VEPH1: variants seen among roughly 807,000 people sequenced by gnomAD.
VEPH1 encodes the protein ventricular zone expressed PH domain containing 1.
VEPH1 carries 80 observed loss-of-function variants against 85.2 expected under a neutral mutation model. The ratio of observed to expected loss-of-function variants is 0.94; its 90% confidence interval spans 0.78 to 1.13. The LOEUF is 1.13. VEPH1 is among the 50% of genes most tolerant of loss of function. The pLI, the probability that VEPH1 is intolerant of heterozygous loss-of-function variation, is 0.00. For synonymous variants in VEPH1, 297 were observed against 348.0 expected, an observed-to-expected ratio of 0.85 and a Z score of 1.63; for missense variants, 955 against 980.5, an observed-to-expected ratio of 0.97 and a Z score of 0.35.
rs574427633 is a variant in VEPH1 at position 157,476,606 on chromosome 3, A to C, written c.139-6077T>G. On this transcript the variant is annotated intron_variant, in intron 2 of 13. Coordinates refer to ENST00000362010, the MANE Select transcript of VEPH1 (RefSeq NM_001167912.2). ...AGCCACTCAACCTTATATCCTGTTA[A>C]GATGAAACACCATTCTCCAAGGGGC... Among the ~76,000 whole-genome samples the C allele has an allele frequency of 1.1e-4, 16 of 152,324 alleles. No individual in the cohort carries two copies. The South Asian group carries it at 2.9e-3, about 28-fold the overall frequency.
intron 9 of VEPH1, among the ~76,000 whole-genome samples, chr3:157,357,451 G>C (rs1725566469): frequency 6.6e-6 from 1 of 151,986 alleles, no homozygotes; most frequent in African/African-American, 2.4e-5. Context: ...AACTAGACAT[G>C]CAGACAAACA....
chr3:157,442,795 G>A (rs759022995), intron 4 of VEPH1: 2 of 1,614,220 alleles, frequency 1.2e-6, no homozygotes, highest in Admixed American at 3.3e-5. Flanking sequence ...TGTGTGGGTG[G>A]TGGCTTTGAT....
intron 2 of VEPH1, among the ~76,000 whole-genome samples, chr3:157,484,054 A>G (rs2109635177): frequency 6.6e-6 from 1 of 152,338 alleles, no homozygotes; most frequent in East Asian, 1.9e-4. Context: ...GAAACCATAG[A>G]ACACCAAAGG....
intron 2 of VEPH1, among the ~76,000 whole-genome samples, chr3:157,488,505 TTC>T (rs1491041974): frequency 6.8e-5 from 10 of 146,350 alleles, no homozygotes; most frequent in Non-Finnish European, 8.9e-5. Flanking sequence ...CTTTCTTTCT[TTC>T]TTTTTTTTTT....
intron 7 of VEPH1, among the ~76,000 whole-genome samples, chr3:157,366,271 TG>T (rs1475314634): frequency 6.6e-6 from 1 of 152,186 alleles, no homozygotes; most frequent in Non-Finnish European, 1.5e-5. Context: ...TGCATTTACT[TG>T]GCTGTCTTTA....
rs773791055 is a variant in VEPH1 at position 157,381,341 on chromosome 3, G to T, written c.942C>A (p.Ser314Arg). The T allele has an allele frequency of 6.2e-7, 1 of 1,614,134 alleles. No homozygotes were observed. The highest frequency in any genetic ancestry group is 8.5e-7 in the Non-Finnish European group (1 of 1,180,016). Residue 314 changes from serine (S) to arginine (R), a missense_variant, in exon 7 of 14, where the codon AGC (serine) becomes AGA (arginine). Ser to Arg is a moderately radical substitution (Grantham distance 110). Transcript: ENST00000362010. Reference sequence around the variant, plus strand: ...ACGAATGCTCCATGTTGGCCAGTTGGCTCACCAGGTATGTCAGGCAGCTCC... The same window carrying T: ...ACGAATGCTCCATGTTGGCCAGTTGTCTCACCAGGTATGTCAGGCAGCTCC... The part of the protein sequence containing the change: ...RARSCLTYLV[S>R]QLANMEHSFH...
chr3:157,401,731 A>C (rs1456107), intron 6 of VEPH1, among the ~76,000 whole-genome samples: 79,640 of 134,424 alleles, frequency 0.59, 21,242 homozygotes, highest in Admixed American at 0.65. Flanking sequence ...ATTTTTCCTT[A>C]ATTTTTTTTT....
At chr3:157,376,843 T>C (rs1208968690) in intron 7 of VEPH1, among the ~76,000 whole-genome samples, 1 of 152,250 alleles carries the variant, frequency 6.6e-6, no homozygotes, top group African/African-American at 2.4e-5. Context: ...ATTTGTAAAT[T>C]AGATGACATC....
intron 9 of VEPH1, among the ~76,000 whole-genome samples, chr3:157,356,906 A>G (rs1346627111): frequency 1.3e-5 from 2 of 152,216 alleles, no homozygotes; most frequent in Non-Finnish European, 2.9e-5. Context: ...CCCTTGGAGT[A>G]AAGACAGTCC....
At chr3:157,272,145 A>C (rs1559913270) in intron 12 of VEPH1, among the ~76,000 whole-genome samples, 1 of 152,118 alleles carries the variant, frequency 6.6e-6, no homozygotes, top group Non-Finnish European at 1.5e-5. Context: ...ACTCTTGCAA[A>C]ATCGCCCTTG....
At chr3:157,437,113 T>A in intron 4 of VEPH1, 1 of 1,597,250 alleles carries the variant, frequency 6.3e-7, no homozygotes. Context: ...CATATCCACC[T>A]CTTGGTCTAA....
chr3:157,433,554 C>G (rs1490084356), intron 4 of VEPH1, among the ~76,000 whole-genome samples: 1 of 152,180 alleles, frequency 6.6e-6, no homozygotes, highest in African/African-American at 2.4e-5. Flanking sequence ...GGAATAAACT[C>G]AACTTGCTTA....
chr3:157,389,651 ATAG>A (rs1288421114), intron 6 of VEPH1, among the ~76,000 whole-genome samples: 15 of 151,254 alleles, frequency 9.9e-5, no homozygotes, highest in African/African-American at 2.7e-4. Context: ...AGATAGATAG[ATAG>A]ATAGATAGAT....
intron 12 of VEPH1, chr3:157,285,253 T>C (rs1716624722): frequency 1.3e-5 from 2 of 152,214 alleles, no homozygotes; most frequent in Admixed American, 6.5e-5. Context: ...CACTCTGGCG[T>C]TGGCTCAATC....
intron 4 of VEPH1, among the ~76,000 whole-genome samples, chr3:157,458,273 T>A (rs1735546334): frequency 6.6e-6 from 1 of 152,120 alleles, no homozygotes; most frequent in African/African-American, 2.4e-5. Context: ...TTAGTCTAGC[T>A]AGCTCCTGGA....
At chr3:157,350,745 A>G (rs958821829) in intron 9 of VEPH1, among the ~76,000 whole-genome samples, 1 of 152,222 alleles carries the variant, frequency 6.6e-6, no homozygotes, top group Non-Finnish European at 1.5e-5. Context: ...GAAGACATAC[A>G]TATGACCGAC....
intron 12 of VEPH1, among the ~76,000 whole-genome samples, chr3:157,267,427 A>G (rs1394583538): frequency 6.6e-6 from 1 of 151,952 alleles, no homozygotes; most frequent in Non-Finnish European, 1.5e-5. Context: ...ACAAAGTACT[A>G]TTAAGGCTAT....
intron 2 of VEPH1, among the ~76,000 whole-genome samples, chr3:157,479,270 TTAGAGAG>T (rs1560098304): frequency 1.3e-5 from 2 of 152,184 alleles, no homozygotes. Context: ...CAAGCCAGAC[TTAGAGAG>T]TCATTCTCAC....
chr3:157,365,135 T>C (rs1420106708), intron 7 of VEPH1, among the ~76,000 whole-genome samples: 1 of 152,176 alleles, frequency 6.6e-6, no homozygotes, highest in Admixed American at 6.5e-5. Flanking sequence ...CCATGTGTGG[T>C]ATAATTTTGG....
Sources: gnomAD v4.1 joint callset for allele counts (sites outside exome capture counted in the v4.1 genomes callset) on GRCh38, gnomAD v4.1.1 for gene constraint, MANE v1.5 for transcripts, NCBI Gene and HGNC (gene_info 2026-07-23, HGNC 2026-07-21) for gene names.